The following SLC60A2 variants were observed in gnomAD, a reference collection of about 807,000 sequenced individuals.
SLC60A2 encodes the protein major facilitator superfamily domain containing 4B.
chr6:111,259,615 C>CG, the SLC60A2 span: 1 of 1,448,974 alleles, frequency 6.9e-7, no homozygotes, highest in Non-Finnish European at 9.3e-7. Flanking sequence ...GAGGCCCCGG[C>CG]GGAGAATGAG....
chr6:111,279,293 G>A, the SLC60A2 span, among the ~76,000 whole-genome samples: 1,900 of 147,408 alleles, frequency 0.013, 42 homozygotes, highest in African/African-American at 0.045. Flanking sequence ...ACAGAGTCTC[G>A]CTCTATTGCC....
chr6:111,272,303 C>T, the SLC60A2 span, among the ~76,000 whole-genome samples: 2 of 151,960 alleles, frequency 1.3e-5, no homozygotes, highest in African/African-American at 4.8e-5. Flanking sequence ...ATGCCCAGCC[C>T]ACCTGTGATA....
At chr6:111,275,688 G>A in the SLC60A2 span, among the ~76,000 whole-genome samples, 85 of 152,254 alleles carry the variant, frequency 5.6e-4, no homozygotes, top group African/African-American at 2.0e-3. Context: ...GATTACAGGT[G>A]TGAGCCACTG....
chr6:111,278,427 C>G, the SLC60A2 span: 1 of 152,070 alleles, frequency 6.6e-6, no homozygotes, highest in Non-Finnish European at 1.5e-5. Flanking sequence ...CAACGTCTTT[C>G]TTTTCTGATG....
the SLC60A2 span, among the ~76,000 whole-genome samples, chr6:111,260,693 CAG>C: frequency 2.0e-5 from 3 of 152,128 alleles, no homozygotes; most frequent in Non-Finnish European, 4.4e-5. Flanking sequence ...CTTACCATCT[CAG>C]GGACTCTGAG....
the SLC60A2 span, chr6:111,262,553 A>C: frequency 2.5e-6 from 2 of 807,880 alleles, no homozygotes; most frequent in South Asian, 3.4e-5. Context: ...GGTGTCCTCA[A>C]TGGCAGTTGA....
At chr6:111,261,076 C>A in the SLC60A2 span, among the ~76,000 whole-genome samples, 2 of 152,216 alleles carry the variant, frequency 1.3e-5, no homozygotes, top group Non-Finnish European at 2.9e-5. Flanking sequence ...ATCCTTACCT[C>A]TTGCTGACAC....
the SLC60A2 span, chr6:111,263,688 C>A: frequency 1.9e-6 from 1 of 514,602 alleles, no homozygotes; most frequent in African/African-American, 1.9e-5. Context: ...ATGAAATAAT[C>A]ACTTTTAGAA....
chr6:111,262,450 C>T, the SLC60A2 span: 1 of 1,581,184 alleles, frequency 6.3e-7, no homozygotes, highest in African/African-American at 1.4e-5. Flanking sequence ...ATTTTAGCTT[C>T]TTTATGACTG....
the SLC60A2 span, among the ~76,000 whole-genome samples, chr6:111,275,086 C>CTT: frequency 6.7e-4 from 94 of 139,566 alleles, no homozygotes; most frequent in South Asian, 1.4e-3. Flanking sequence ...CCTTACCTGG[C>CTT]TTTTTTTTTT....
At chr6:111,273,694 A>G in the SLC60A2 span, among the ~76,000 whole-genome samples, 17 of 152,006 alleles carry the variant, frequency 1.1e-4, no homozygotes, top group African/African-American at 3.9e-4. Context: ...GAAGTCCCCA[A>G]CTACTATTGT....
At chr6:111,266,433 T>C in the SLC60A2 span, 1 of 1,614,212 alleles carries the variant, frequency 6.2e-7, no homozygotes, top group South Asian at 1.1e-5. Flanking sequence ...TTTTGCTACC[T>C]GTTTACAGCC....
At chr6:111,259,911 C>CT in the SLC60A2 span, among the ~76,000 whole-genome samples, 80,881 of 121,116 alleles carry the variant, frequency 0.67, 27,787 homozygotes, top group East Asian at 0.83. Flanking sequence ...CTCCAGCAAG[C>CT]TTTTTTTTTT....
chr6:111,264,787 CA>C, the SLC60A2 span, among the ~76,000 whole-genome samples: 66,906 of 120,858 alleles, frequency 0.55, 18,965 homozygotes, highest in Non-Finnish European at 0.69. Flanking sequence ...GACTCCATCT[CA>C]AAAAAAAAAA....
At chr6:111,270,161 T>C in the SLC60A2 span, 1 of 152,148 alleles carries the variant, frequency 6.6e-6, no homozygotes, top group African/African-American at 2.4e-5. Flanking sequence ...TGGCAGTTTC[T>C]TCAAAGCAAG....
chr6:111,273,304 CTTATTA>C, the SLC60A2 span, among the ~76,000 whole-genome samples: 1 of 151,916 alleles, frequency 6.6e-6, no homozygotes, highest in Non-Finnish European at 1.5e-5. Context: ...TGTCACTATG[CTTATTA>C]TTATTATTTT....
the SLC60A2 span, among the ~76,000 whole-genome samples, chr6:111,263,397 T>C: frequency 3.9e-5 from 6 of 152,194 alleles, no homozygotes; most frequent in African/African-American, 1.4e-4. Flanking sequence ...ATTTCTTGTA[T>C]TTTCCTCCCT....
the SLC60A2 span, among the ~76,000 whole-genome samples, chr6:111,277,272 A>G: frequency 3.9e-5 from 6 of 152,240 alleles, no homozygotes; most frequent in African/African-American, 1.4e-4. Context: ...TCAGAACTGG[A>G]AAAACAAAAT....
the SLC60A2 span, among the ~76,000 whole-genome samples, chr6:111,271,813 A>C: frequency 1.4e-5 from 1 of 70,182 alleles, no homozygotes; most frequent in Non-Finnish European, 4.7e-5. Flanking sequence ...AAAAGTACAA[A>C]TAGTTAGCCA....
Sources: gnomAD v4.1 joint callset for allele counts (sites outside exome capture counted in the v4.1 genomes callset) on GRCh38, gnomAD v4.1.1 for gene constraint, MANE v1.5 for transcripts, NCBI Gene and HGNC (gene_info 2026-07-23, HGNC 2026-07-21) for gene names.